Variants in ODR4 observed in about 807,000 individuals in gnomAD.
The protein encoded by ODR4 is protein odr-4 homolog.
In ODR4, 47 loss-of-function variants were observed where a neutral mutation model predicts 60.2. The ratio of observed to expected loss-of-function variants is 0.78; its 90% confidence interval spans 0.62 to 1.00. The LOEUF (loss-of-function observed/expected upper bound fraction) is 1.00, where lower values mean the gene tolerates loss of function less well. Ranked by LOEUF, ODR4 falls within the 50% of genes least tolerant of loss-of-function variation. The pLI, the probability that ODR4 is intolerant of heterozygous loss-of-function variation, is 0.00. For missense variants in ODR4, 488 were observed against 530.8 expected (o/e 0.92, Z 0.79); for synonymous variants, 178 against 175.5 (o/e 1.01, Z -0.11).
At chr1:186,394,039 A>C in intron 9 of ODR4, 24 bp downstream of exon 9, 1 of 1,206,446 alleles carries the variant, frequency 8.3e-7, no homozygotes, top group Non-Finnish European at 1.2e-6. Context: ...AATAACACTT[A>C]AAATATTTAT....
intron 11 of ODR4, chr1:186,401,490 T>G (rs368872364): frequency 2.8e-4 from 57 of 200,416 alleles, no homozygotes; most frequent in African/African-American, 1.4e-3. Flanking sequence ...CTTTCTCTCT[T>G]TCTTTCTTTC....
chr1:186,405,927 G>T (rs1218170276), intron 11 of ODR4, among the ~76,000 whole-genome samples, 156 bp from the exon 12 acceptor site: 1 of 152,120 alleles, frequency 6.6e-6, no homozygotes, highest in African/African-American at 2.4e-5. Flanking sequence ...GCAGAATTTG[G>T]TAAGAGCAAT....
chr1:186,382,844 C>T (rs1330488464), intron 2 of ODR4, among the ~76,000 whole-genome samples, 178 bp from the exon 3 acceptor site: 1 of 152,106 alleles, frequency 6.6e-6, no homozygotes, highest in Non-Finnish European at 1.5e-5. Context: ...ATTGTAAGGC[C>T]ATCCTTGAAA....
rs543506120 is a variant in ODR4, at chr1:186,402,187, ATTCTTTCTTTC to A, written c.1000+3146_1000+3156del. On this transcript the variant is annotated intron_variant, in intron 11 of 13. Transcript: ENST00000287859. The stretch of plus-strand genomic sequence containing the variant: ...AGACAAATAACTTTATAGGCATCCT[ATTCTTTCTTTC>A]TTTCTTTCTTTCTTTCTTTCTTTCT... Among the ~76,000 whole-genome samples the A allele has an allele frequency of 4.5e-3, 614 of 135,528 alleles. 5 individuals are homozygous for A. The highest frequency in any genetic ancestry group is 0.017 in the African/African-American group (595 of 35,172). The allele number at this position is 135,528 out of a possible 152,430, so 88.9% of individuals were successfully genotyped here.
chr1:186,427,306 A>G, the ODR4 span, among the ~76,000 whole-genome samples: 2 of 152,134 alleles, frequency 1.3e-5, no homozygotes, highest in Non-Finnish European at 2.9e-5. Flanking sequence ...TTTTTCAACT[A>G]AGTTTGTGTG....
chr1:186,391,843 A>G, intron 8 of ODR4, 52 bp downstream of exon 8: 1 of 1,094,828 alleles, frequency 9.1e-7, no homozygotes, highest in Non-Finnish European at 1.4e-6. Flanking sequence ...AAGGAAAAAT[A>G]AAACATGACT....
At chr1:186,431,628 T>C in the ODR4 span, among the ~76,000 whole-genome samples, 1 of 152,190 alleles carries the variant, frequency 6.6e-6, no homozygotes, top group Non-Finnish European at 1.5e-5. Context: ...AGTATTTTTA[T>C]GGAAGCCAAT....
chr1:186,401,550 T>C (rs755824829), intron 11 of ODR4: 36 of 176,550 alleles, frequency 2.0e-4, no homozygotes, highest in Non-Finnish European at 2.3e-4. Flanking sequence ...TCTCTTTCTT[T>C]CTCCTTCCTT....
At chr1:186,406,014 C>T (rs1026404732) in intron 11 of ODR4, 69 bp from the exon 12 acceptor site, 1 of 1,102,086 alleles carries the variant, frequency 9.1e-7, no homozygotes, top group African/African-American at 1.6e-5. Context: ...GTATGTACTT[C>T]TAAAATATGT....
At chr1:186,388,391 T>C (rs1290390) in intron 4 of ODR4, 51 bp from the exon 5 acceptor site, 1,025,391 of 1,043,928 alleles carry the variant, frequency 0.98, 503,668 homozygotes, top group African/African-American at 1. Flanking sequence ...TCAACACTCA[T>C]CTTTTTTTTT....
downstream of ODR4, chr1:186,421,480 G>T (rs1349236880): frequency 6.6e-6 from 1 of 152,142 alleles, no homozygotes; most frequent in Non-Finnish European, 1.5e-5. Context: ...CTTTTATTCA[G>T]AAAACTGGTT....
chr1:186,390,241 ATG>A (rs760374176), intron 6 of ODR4, among the ~76,000 whole-genome samples: 1 of 152,204 alleles, frequency 6.6e-6, no homozygotes, highest in Non-Finnish European at 1.5e-5. Context: ...TAAACAAGCT[ATG>A]TGTATTCAGC....
At chr1:186,389,551 T>C in intron 5 of ODR4, 37 bp from the exon 6 acceptor site, 1 of 1,457,786 alleles carries the variant, frequency 6.9e-7, no homozygotes, top group Non-Finnish European at 9.4e-7. Flanking sequence ...TTACCAATAA[T>C]GCCTTTTTTG....
intron 12 of ODR4, chr1:186,411,888 G>A: frequency 5.3e-6 from 5 of 936,296 alleles, no homozygotes; most frequent in Non-Finnish European, 6.4e-6. Flanking sequence ...AATTTGGAAA[G>A]TTTAGGTGTG....
At chr1:186,413,087 T>G (rs1013988541) in intron 12 of ODR4, among the ~76,000 whole-genome samples, 1 of 152,106 alleles carries the variant, frequency 6.6e-6, no homozygotes, top group African/African-American at 2.4e-5. Context: ...ACATATTGCT[T>G]TGTCTTCTAA....
In ODR4 at chr1:186,393,994, T is replaced by G; in HGVS notation, c.759T>G (p.Asp253Glu). The G allele has an allele frequency of 1.3e-6, 2 of 1,507,240 alleles. No homozygotes were observed. Among genetic ancestry groups the G allele is most frequent in the Non-Finnish European group, 1.8e-6 (2 of 1,110,506 alleles). The allele number at this position is 1,507,240 out of a possible 1,614,324, so 93.4% of individuals were successfully genotyped here. Residue 253 changes from aspartate to glutamate, a missense_variant, in exon 9 of 14, where the codon GAT becomes GAG. Transcript: ENST00000287859. ...CTCAAGCAACTAGTCATTCTTTTGA[T>G]GTCAGAGTGCTAACGCAGTTGGTAA... ...GNTQATSHSF[D>E]VRVLTQLLLN...
In ODR4 at chr1:186,390,621, A is replaced by G. The variant is rs1039195987; in HGVS notation, c.475-90A>G. The G allele has an allele frequency of 1.2e-5, 16 of 1,344,080 alleles. No individual in the cohort carries two copies. The African/African-American group carries it at 2.0e-4, about 17-fold the overall frequency. The allele number at this position is 1,344,080 out of a possible 1,614,324, so 83.3% of individuals were successfully genotyped here. On this transcript the variant is annotated intron_variant, in intron 6 of 13. Coordinates refer to ENST00000287859, the MANE Select transcript of ODR4 (RefSeq NM_017847.6). ...TGTTAGATATGAGTTTGTATGCGTTATTTAGGTTGTATATTTAATAATGTT... is the reference window on the plus strand; with the variant it reads ...TGTTAGATATGAGTTTGTATGCGTTGTTTAGGTTGTATATTTAATAATGTT...
intron 12 of ODR4, chr1:186,411,903 C>T: frequency 6.0e-6 from 5 of 836,822 alleles, no homozygotes; most frequent in Non-Finnish European, 7.2e-6. Flanking sequence ...GGTGTGTATA[C>T]TTACATGTAT....
chr1:186,387,493 A>G (rs997344403), intron 4 of ODR4, among the ~76,000 whole-genome samples: 41 of 152,178 alleles, frequency 2.7e-4, no homozygotes, highest in Non-Finnish European at 4.3e-4. Context: ...TTGTTCCTAA[A>G]AAGTATATAA....
Sources: allele counts gnomAD v4.1 joint callset (sites outside exome capture counted in the v4.1 genomes callset), GRCh38; gene constraint gnomAD v4.1.1; transcripts MANE v1.5; gene names NCBI Gene and HGNC (gene_info 2026-07-23, HGNC 2026-07-21).